The following ZNF385D variants were observed in gnomAD, a reference collection of about 807,000 sequenced individuals.
ZNF385D encodes the protein zinc finger protein 385D, also known as zinc finger protein 659.
ZNF385D carries 15 observed loss-of-function variants against 35.8 expected under a neutral mutation model. That is an observed-to-expected ratio of 0.42 (90% CI 0.28 to 0.64). The LOEUF (loss-of-function observed/expected upper bound fraction) is 0.64. Among genes scored for constraint, ZNF385D ranks in the 30% least tolerant of loss-of-function variants. The pLI is 0.23. For missense variants in ZNF385D, 474 were observed against 494.6 expected, an observed-to-expected ratio of 0.96 and a Z score of 0.39; for synonymous variants, 212 against 186.8, an observed-to-expected ratio of 1.13 and a Z score of -1.10.
chr3:21,619,225 C>G (rs141745855), intron 2 of ZNF385D, among the ~76,000 whole-genome samples: 1 of 152,238 alleles, frequency 6.6e-6, no homozygotes, highest in Non-Finnish European at 1.5e-5. Context: ...TTGGGGGAAG[C>G]AGATTTGAGA....
intron 1 of ZNF385D, among the ~76,000 whole-genome samples, chr3:21,696,984 A>G (rs2067493722): frequency 6.6e-6 from 1 of 152,230 alleles, no homozygotes; most frequent in Non-Finnish European, 1.5e-5. Flanking sequence ...TTTTAAAAGT[A>G]ACAGTTTATA....
At chr3:21,489,857 C>T (rs996511408) in intron 4 of ZNF385D, among the ~76,000 whole-genome samples, 1 of 152,074 alleles carries the variant, frequency 6.6e-6, no homozygotes, top group Non-Finnish European at 1.5e-5. Flanking sequence ...ATATGAAGGG[C>T]ATACCAATCT....
intron 3 of ZNF385D, among the ~76,000 whole-genome samples, chr3:21,955,827 A>G (rs1336666356): frequency 6.6e-6 from 1 of 152,122 alleles, no homozygotes. Context: ...TGTGACACAG[A>G]TAATTCATTC....
chr3:21,511,831 T>A, intron 3 of ZNF385D: 1 of 455,372 alleles, frequency 2.2e-6, no homozygotes, highest in African/African-American at 2.0e-5. Flanking sequence ...GCATTTTTTT[T>A]TTTTGTGGGG....
At chr3:22,085,738 AG>A (rs1700998229) in intron 3 of ZNF385D, among the ~76,000 whole-genome samples, 1 of 152,218 alleles carries the variant, frequency 6.6e-6, no homozygotes, top group Admixed American at 6.5e-5. Context: ...AAAACATGGC[AG>A]AGACACAATA....
At chr3:21,651,858 G>C (rs925042230) in intron 2 of ZNF385D, among the ~76,000 whole-genome samples, 3 of 152,142 alleles carry the variant, frequency 2.0e-5, no homozygotes, top group Non-Finnish European at 4.4e-5. Context: ...TTGCAAGCTA[G>C]ATCAACTTCT....
upstream of ZNF385D, among the ~76,000 whole-genome samples, chr3:21,753,815 G>T (rs529540877): frequency 1.4e-4 from 21 of 148,228 alleles, no homozygotes; most frequent in Non-Finnish European, 2.3e-4. Flanking sequence ...GTGTATTTGC[G>T]TTTTGTACTT....
chr3:21,797,800 A>G (rs1299491616), intron 3 of ZNF385D, among the ~76,000 whole-genome samples: 2 of 152,204 alleles, frequency 1.3e-5, no homozygotes, highest in African/African-American at 2.4e-5. Context: ...GGAAAAGGAA[A>G]AACTATGGAG....
At chr3:21,825,827 C>T (rs143208261) in intron 3 of ZNF385D, among the ~76,000 whole-genome samples, 1 of 152,174 alleles carries the variant, frequency 6.6e-6, no homozygotes, top group African/African-American at 2.4e-5. Flanking sequence ...TTGTTAGGAA[C>T]CAGGCTAGGC....
chr3:21,929,006 C>G (rs754466045), intron 3 of ZNF385D, among the ~76,000 whole-genome samples: 6 of 151,976 alleles, frequency 3.9e-5, no homozygotes, highest in Non-Finnish European at 7.4e-5. Flanking sequence ...ATGCTAAGGC[C>G]AAACAAATGT....
chr3:22,272,223 C>G (rs770709849), intron 2 of ZNF385D, among the ~76,000 whole-genome samples: 54 of 152,146 alleles, frequency 3.5e-4, no homozygotes, highest in Middle Eastern at 6.8e-3. Context: ...GCTATCCTGA[C>G]CACCTTATCC....
At chr3:21,714,044 C>T (rs2125423865) in intron 1 of ZNF385D, among the ~76,000 whole-genome samples, 1 of 152,282 alleles carries the variant, frequency 6.6e-6, no homozygotes, top group South Asian at 2.1e-4. Flanking sequence ...CCCTCTAACA[C>T]TTTATTGGTT....
intron 2 of ZNF385D, among the ~76,000 whole-genome samples, chr3:22,239,608 T>C (rs1699376998): frequency 6.6e-6 from 1 of 151,158 alleles, no homozygotes; most frequent in Admixed American, 6.6e-5. Context: ...GGTTTTACCC[T>C]TTGATTTCAT....
At chr3:21,852,368 A>C (rs1007533185) in intron 3 of ZNF385D, among the ~76,000 whole-genome samples, 1 of 151,932 alleles carries the variant, frequency 6.6e-6, no homozygotes, top group Non-Finnish European at 1.5e-5. Flanking sequence ...GGACATTTCC[A>C]ACACTAATCC....
chr3:22,030,405 A>G (rs1199984980), intron 3 of ZNF385D, among the ~76,000 whole-genome samples: 1 of 148,402 alleles, frequency 6.7e-6, no homozygotes, highest in Admixed American at 6.7e-5. Context: ...AATCATGGTG[A>G]AAGTCAAGGG....
At chr3:21,786,318 T>C (rs1482619759) in intron 3 of ZNF385D, among the ~76,000 whole-genome samples, 1 of 152,222 alleles carries the variant, frequency 6.6e-6, no homozygotes, top group African/African-American at 2.4e-5. Context: ...CTAGAAATGT[T>C]TTTGACCGTC....
chr3:21,621,864 A>ACTGT (rs2065016637), intron 2 of ZNF385D, among the ~76,000 whole-genome samples: 1 of 72,422 alleles, frequency 1.4e-5, no homozygotes, highest in African/African-American at 5.4e-5. Context: ...ACCTGTTACC[A>ACTGT]CTGTGTGTGT....
In ZNF385D at chr3:21,823,527, C is replaced by G. The variant is rs114245497; in HGVS notation, c.326-158499G>C. ...ACACATTTTGTTTTAATTCACTTCTCTTTTCATCAGACATTACAGCCTCTC... is the reference window on the plus strand; with the variant it reads ...ACACATTTTGTTTTAATTCACTTCTGTTTTCATCAGACATTACAGCCTCTC... On this transcript the variant is annotated intron_variant, in intron 3 of 5. Coordinates refer to the ZNF385D transcript ENST00000494108. 5.3e-3 allele frequency among the ~76,000 whole-genome samples: 814 copies of G among 152,278 alleles called. 8 individuals are homozygous for G. The highest frequency in any genetic ancestry group is 0.019 in the African/African-American group (785 of 41,552).
intron 2 of ZNF385D, among the ~76,000 whole-genome samples, chr3:22,179,589 G>A (rs1046852910): frequency 1.3e-5 from 2 of 152,078 alleles, no homozygotes; most frequent in Non-Finnish European, 2.9e-5. Flanking sequence ...TCCTTCTCCT[G>A]CCTGATTGCC....
Sources: gnomAD v4.1 joint callset for allele counts (sites outside exome capture counted in the v4.1 genomes callset) on GRCh38, gnomAD v4.1.1 for gene constraint, MANE v1.5 for transcripts, NCBI Gene and HGNC (gene_info 2026-07-23, HGNC 2026-07-21) for gene names.